Variants in AMN observed in about 807,000 individuals in gnomAD.
The protein encoded by AMN is amnion associated transmembrane protein.
AMN carries 40 observed loss-of-function variants against 49.1 expected under a neutral mutation model. The observed-to-expected ratio is 0.81, with a 90% CI of 0.63 to 1.06. AMN has a LOEUF of 1.06. AMN is among the 50% of genes least tolerant of loss of function. The probability of loss-of-function intolerance (pLI) is 0.00; values close to 1 mark genes in which losing one functional copy is unlikely to be tolerated. For synonymous variants in AMN, 380 were observed against 313.3 expected, an observed-to-expected ratio of 1.21 and a Z score of -2.25; for missense variants, 701 against 662.8, an observed-to-expected ratio of 1.06 and a Z score of -0.63.
At chr14:102,924,356 T>A (rs1370417270) in intron 3 of AMN, among the ~76,000 whole-genome samples, 3 of 140,714 alleles carry the variant, frequency 2.1e-5, no homozygotes, top group Non-Finnish European at 4.9e-5. Flanking sequence ...CACCCCCCCC[T>A]CTACCCACCA....
At chr14:102,923,553 G>C in intron 1 of AMN, 158 bp from the exon 2 acceptor site, 1 of 726,948 alleles carries the variant, frequency 1.4e-6, no homozygotes, top group Non-Finnish European at 2.4e-6. Context: ...CAGTCTGGCC[G>C]GGAGGGACCA....
In AMN at chr14:102,929,217, G is replaced by T. The variant is rs1299020290; in HGVS notation, c.610G>T (p.Asp204Tyr). The T allele has an allele frequency of 1.3e-6, 2 of 1,569,706 alleles. No individual in the cohort carries two copies. Among genetic ancestry groups the T allele is most frequent in the Admixed American group, 1.8e-5 (1 of 56,296 alleles). Residue 204 changes from aspartate to tyrosine, a missense_variant, in exon 6 of 12, where the codon GAC (aspartate) becomes TAC (tyrosine). By Grantham distance (160) the Asp-to-Tyr change is radical. Coordinates refer to ENST00000299155, the MANE Select transcript of AMN (RefSeq NM_030943.4). ...GPGALSVGPEDCADPSGCVCG... is the reference protein window; with the variant it reads ...GPGALSVGPEYCADPSGCVCG... ...GGGCGCGCTGAGCGTGGGCCCCGAG[G>T]ACTGCGCGGACCCGTCGGGCTGCGT...
In AMN at chr14:102,929,102, G is replaced by C. The variant is rs761683306; in HGVS notation, c.514-19G>C. On this transcript the variant is annotated intron_variant, in intron 5 of 11. Coordinates refer to ENST00000299155, the MANE Select transcript of AMN (RefSeq NM_030943.4). Reference sequence around the variant, plus strand: ...TCTCTTCCTCGGGCTGGCTCCGGTGGGGACCCGGCTGCCCGCAGACGTTCA... The same window carrying C: ...TCTCTTCCTCGGGCTGGCTCCGGTGCGGACCCGGCTGCCCGCAGACGTTCA... The C allele has an allele frequency of 1.3e-6, 2 of 1,597,618 alleles. No individual in the cohort carries two copies. Among genetic ancestry groups the C allele is most frequent in the South Asian group, 2.2e-5 (2 of 91,040 alleles).
intron 3 of AMN, among the ~76,000 whole-genome samples, chr14:102,927,781 G>A (rs1191701682): frequency 6.6e-6 from 1 of 152,214 alleles, no homozygotes; most frequent in Non-Finnish European, 1.5e-5. Flanking sequence ...AGTGAGGGGC[G>A]GCCAGTCAGA....
At chr14:102,923,212 C>T in intron 1 of AMN, 1 of 250,792 alleles carries the variant, frequency 4.0e-6, no homozygotes, top group Non-Finnish European at 7.8e-6. Context: ...CCACCCACCA[C>T]ATTCAGGGCC....
intron 1 of AMN, 103 bp from the exon 2 acceptor site, chr14:102,923,608 G>A (rs1595430252): frequency 9.2e-7 from 1 of 1,085,598 alleles, no homozygotes; most frequent in Non-Finnish European, 1.4e-6. Context: ...TATGCGTCCC[G>A]GGTGATCCGC....
rs1327161153 is a variant in AMN at position 102,930,714 on chromosome 14, A to AC, written c.*37dup. Reference sequence around the variant, plus strand: ...CTGACCGTCGACCTTGGGGCTCTCCACCCGCTCTGGCCCCAGTCGAACTGG... The same window carrying AC: ...CTGACCGTCGACCTTGGGGCTCTCCACCCCGCTCTGGCCCCAGTCGAACTGG... On this transcript the variant is annotated 3_prime_UTR_variant, in exon 12 of 12. Transcript: ENST00000299155. 2.5e-5 allele frequency: 38 copies of AC among 1,549,432 alleles called. No individual in the cohort carries two copies. The highest frequency in any genetic ancestry group is 3.3e-5 in the Non-Finnish European group (38 of 1,147,422).
At chr14:102,925,164 C>A (rs1296694011) in intron 3 of AMN, among the ~76,000 whole-genome samples, 13 of 152,266 alleles carry the variant, frequency 8.5e-5, no homozygotes, top group Admixed American at 8.5e-4. Context: ...ACCTGCACAC[C>A]TGCCAGCTCA....
chr14:102,926,499 C>CTT (rs2139305315), intron 3 of AMN, among the ~76,000 whole-genome samples: 1 of 152,072 alleles, frequency 6.6e-6, no homozygotes, highest in Admixed American at 6.5e-5. Context: ...CTCCAAGGTT[C>CTT]TTTGTGGATC....
At chr14:102,926,537 G>C (rs909098949) in intron 3 of AMN, among the ~76,000 whole-genome samples, 1 of 151,760 alleles carries the variant, frequency 6.6e-6, no homozygotes, top group Non-Finnish European at 1.5e-5. Flanking sequence ...TTGTAGAATA[G>C]GTTTGCCAGG....
chr14:102,929,576 G>A (rs1891282819), intron 7 of AMN, 40 bp downstream of exon 7: 2 of 1,545,000 alleles, frequency 1.3e-6, no homozygotes, highest in South Asian at 1.2e-5. Flanking sequence ...GGGAAGGCCT[G>A]GAGGACCAGG....
chr14:102,925,932 G>A (rs558788200), intron 3 of AMN, among the ~76,000 whole-genome samples: 1 of 152,308 alleles, frequency 6.6e-6, no homozygotes, highest in East Asian at 1.9e-4. Context: ...AACAGGCCGT[G>A]CACATCAGTG....
chr14:102,928,943 G>C lies in AMN; in HGVS notation c.481G>C (p.Val161Leu). 1 of 1,600,176 alleles carries C rather than the reference G, an allele frequency of 6.2e-7. No homozygotes were observed. Among genetic ancestry groups the C allele is most frequent in the African/African-American group, 1.3e-5 (1 of 75,038 alleles). The change falls in exon 5 of 12, where the codon GTG becomes CTG. Residue 161 changes from valine (V) to leucine (L), a missense_variant. Physicochemically the swap from Val to Leu is conservative, Grantham distance 32. Coordinates refer to ENST00000299155, the MANE Select transcript of AMN (RefSeq NM_030943.4). The part of the protein sequence containing the change: ...RVGLGPGASP[V>L]RVRSISALGR... ...GGGGCTCGGCCCTGGCGCTAGCCCC[G>C]TGCGTGTCCGCAGCATCTCGGCTCT... is the stretch of plus-strand genomic sequence containing the variant.
chr14:102,927,091 A>C (rs1418965998), intron 3 of AMN, among the ~76,000 whole-genome samples: 1 of 152,120 alleles, frequency 6.6e-6, no homozygotes, highest in Non-Finnish European at 1.5e-5. Context: ...TGGGGGTCTC[A>C]CTATGTTGGC....
Position 102,928,447 on chromosome 14 carries a change from C to A in AMN, c.229C>A (p.Leu77Ile). Residue 77 changes from leucine to isoleucine, a missense_variant, in exon 4 of 12, where the codon CTC (leucine) becomes ATC (isoleucine). Transcript: ENST00000299155. ...SDMLLPLDGE[L>I]VLASGAGFGV... ...GCAGCTCCTGCCGCTGGATGGGGAA[C>A]TCGTCCTGGCTTCAGGAGCCGGATT... 6.2e-7 allele frequency: 1 copy of A among 1,607,986 alleles called. No homozygotes were observed. The highest frequency in any genetic ancestry group is 8.5e-7 in the Non-Finnish European group (1 of 1,178,190).
rs1490678852 is a variant in AMN, at chr14:102,928,726, T to G, written c.296-32T>G. On this transcript the variant is annotated intron_variant, in intron 4 of 11. Coordinates refer to ENST00000299155, the MANE Select transcript of AMN (RefSeq NM_030943.4). ...TGGCGTGGTGTGGCGCGGCGCTTGT[T>G]CCGTGGAGCTCAGGGATGTGCTCCG... is the stretch of plus-strand genomic sequence containing the variant. The G allele has an allele frequency of 3.8e-6, 6 of 1,596,298 alleles. No individual in the cohort carries two copies. The Middle Eastern group carries it at 8.3e-4, about 220-fold the overall frequency.
At position 102,928,530 on chromosome 14, in the gene AMN, G is replaced by T; in HGVS notation, c.295+17G>T. 1 of 1,598,170 alleles carries T rather than the reference G, an allele frequency of 6.3e-7. No individual in the cohort carries two copies. The highest frequency in any genetic ancestry group is 2.3e-5 in the East Asian group (1 of 44,384). On this transcript the variant is annotated intron_variant, in intron 4 of 11. Transcript: ENST00000299155. ...GTGGCGCGGGTGAGGCGGTCGGGCA[G>T]GGGCGGGGCTCTGGAAAGGCATGTT...
rs778644293 is a variant in AMN at position 102,928,829 on chromosome 14, G to C, written c.367G>C (p.Glu123Gln). ...CCCGCACCTGTGGCGCTCTGGGGACGAGGCACCTGGCCTCTTCTTCGTGGA... is the reference window on the plus strand; with the variant it reads ...CCCGCACCTGTGGCGCTCTGGGGACCAGGCACCTGGCCTCTTCTTCGTGGA... ...HDPHLWRSGD[E>Q]APGLFFVDAE... The change falls in exon 5 of 12, where the codon GAG (glutamate) becomes CAG (glutamine). Residue 123 changes from glutamate (E) to glutamine (Q), a missense_variant. Physicochemically the swap from Glu to Gln is conservative, Grantham distance 29 (BLOSUM62 2). Coordinates refer to ENST00000299155, the MANE Select transcript of AMN (RefSeq NM_030943.4). 1.2e-6 allele frequency: 2 copies of C among 1,606,760 alleles called. No individual in the cohort carries two copies. The highest frequency in any genetic ancestry group is 1.6e-4 in the Middle Eastern group (1 of 6,062).
chr14:102,930,715 C>A lies in AMN; in HGVS notation c.*35C>A, dbSNP rs1249647645. 5 of 1,548,552 alleles carry A rather than the reference C, an allele frequency of 3.2e-6. No homozygotes were observed. Among genetic ancestry groups the A allele is most frequent in the South Asian group, 1.2e-5 (1 of 84,364 alleles). On this transcript the variant is annotated 3_prime_UTR_variant, in exon 12 of 12. Coordinates refer to ENST00000299155, the MANE Select transcript of AMN (RefSeq NM_030943.4). ...TGACCGTCGACCTTGGGGCTCTCCA[C>A]CCGCTCTGGCCCCAGTCGAACTGGG... is the stretch of plus-strand genomic sequence containing the variant.
Sources: allele counts gnomAD v4.1 joint callset (sites outside exome capture counted in the v4.1 genomes callset), GRCh38; gene constraint gnomAD v4.1.1; transcripts MANE v1.5; gene names NCBI Gene and HGNC (gene_info 2026-07-23, HGNC 2026-07-21).